Variants in DERA observed in about 807,000 individuals in gnomAD.
The protein encoded by DERA is 2-deoxy-D-ribose 5-phosphate aldolase.
In DERA, 15 loss-of-function variants were observed where a neutral mutation model predicts 41.1. The ratio of observed to expected loss-of-function variants is 0.37; its 90% confidence interval spans 0.24 to 0.56. The LOEUF is 0.56. Ranked by LOEUF, DERA falls within the 20% of genes least tolerant of loss-of-function variation. DERA has a pLI of 0.81. For synonymous variants in DERA, 139 were observed against 137.4 expected (o/e 1.01, Z -0.08); for missense variants, 396 against 403.4 (o/e 0.98, Z 0.16).
rs1436526272 is a variant in DERA, at chr12:16,021,727, T to G, written c.638-10815T>G. ...GTCAAAGGAGATTATTTTGGAGCTT[T>G]AAGACTTAATGACTGCCCTGCTGAG... On this transcript the variant is annotated intron_variant, in intron 6 of 8. Coordinates refer to ENST00000428559, the MANE Select transcript of DERA (RefSeq NM_015954.4). This position sits in a 1 kb window ranked among gnomAD's most constrained non-coding sequence, Gnocchi z 5.3. Among the ~76,000 whole-genome samples, 1 of 152,218 alleles carries G rather than the reference T, an allele frequency of 6.6e-6. No individual in the cohort carries two copies. Among genetic ancestry groups the G allele is most frequent in the African/African-American group, 2.4e-5 (1 of 41,464 alleles).
At position 16,013,358 on chromosome 12, in the gene DERA, G is replaced by A. The variant is rs990513868; in HGVS notation, c.638-19184G>A. Among the ~76,000 whole-genome samples, 2 of 152,130 alleles carry A rather than the reference G, an allele frequency of 1.3e-5. No homozygotes were observed. Among genetic ancestry groups the A allele is most frequent in the African/African-American group, 4.8e-5 (2 of 41,410 alleles). On this transcript the variant is annotated intron_variant, in intron 6 of 8. Transcript: ENST00000428559. This position sits in a 1 kb window ranked among gnomAD's most constrained non-coding sequence, Gnocchi z 5.8. ...AAGGTGAGACCAGGTGGAGGTAATT[G>A]AATCATGAGGGCAGTTTCCCCCATG...
chr12:15,980,978 A>T (rs1170354772), intron 5 of DERA, among the ~76,000 whole-genome samples: 1 of 152,184 alleles, frequency 6.6e-6, no homozygotes, highest in Non-Finnish European at 1.5e-5. Context: ...CTCTCATTTT[A>T]GCTTTAAGAA....
rs192424847 is a variant in DERA at position 15,950,140 on chromosome 12, A to T, written c.32-6796A>T. 1.4e-4 allele frequency among the ~76,000 whole-genome samples: 22 copies of T among 152,308 alleles called. No individual in the cohort carries two copies. The East Asian group carries it at 3.7e-3, about 25-fold the overall frequency. On this transcript the variant is annotated intron_variant, in intron 1 of 8. Coordinates refer to ENST00000428559, the MANE Select transcript of DERA (RefSeq NM_015954.4). ...TTGGATCTTGCACAAGAAAGAATTT[A>T]GGGCGAGTCCAGAGTAAAGTGAAAG...
chr12:15,978,076 T>A (rs931835076), intron 5 of DERA, among the ~76,000 whole-genome samples: 1 of 152,202 alleles, frequency 6.6e-6, no homozygotes, highest in Admixed American at 6.5e-5. Flanking sequence ...GTTTGGCTTA[T>A]TTGTATTGAA....
Position 15,996,156 on chromosome 12 carries a change from CATGTGTGTGTGTGTGT to C in DERA, c.637+13721_637+13736del, listed in dbSNP as rs1239603271. Among the ~76,000 whole-genome samples the C allele has an allele frequency of 9.5e-6, 1 of 105,564 alleles. No individual in the cohort carries two copies. The highest frequency in any genetic ancestry group is 3.8e-5 in the African/African-American group (1 of 26,446). The allele number at this position is 105,564 out of a possible 152,430, so 69.3% of individuals were successfully genotyped here. On this transcript the variant is annotated intron_variant, in intron 6 of 8. Transcript: ENST00000428559. The surrounding 1 kb of genome is among the most constrained non-coding windows in gnomAD (Gnocchi z 4.7). ...TGCAGACACAGACACACACACAGAGCATGTGTGTGTGTGTGTGTGTGTGTGTGTGTGTGTGTAATTT... is the reference window on the plus strand; with the variant it reads ...TGCAGACACAGACACACACACAGAGCGTGTGTGTGTGTGTGTGTGTAATTT...
chr12:15,961,992 C>T (rs1286351389), intron 4 of DERA, among the ~76,000 whole-genome samples: 1 of 152,212 alleles, frequency 6.6e-6, no homozygotes, highest in African/African-American at 2.4e-5. Context: ...GATCCGCTAG[C>T]CTTGACCTCC....
chr12:16,011,523 A>G lies in DERA; in HGVS notation c.638-21019A>G, dbSNP rs1173491151. 1.3e-5 allele frequency among the ~76,000 whole-genome samples: 2 copies of G among 152,174 alleles called. No individual in the cohort carries two copies. The highest frequency in any genetic ancestry group is 4.8e-5 in the African/African-American group (2 of 41,448). On this transcript the variant is annotated intron_variant, in intron 6 of 8. Coordinates refer to ENST00000428559, the MANE Select transcript of DERA (RefSeq NM_015954.4). This position sits in a 1 kb window ranked among gnomAD's most constrained non-coding sequence, Gnocchi z 4.7. ...CAGACGTTCAGATTTGGGATGCTCT[A>G]CTTGTACCTTGCTTGTATTGAGGTT... is the stretch of plus-strand genomic sequence containing the variant.
chr12:15,911,359 C>G lies in DERA; in HGVS notation c.-25C>G. 7.0e-7 allele frequency: 1 copy of G among 1,422,534 alleles called. No homozygotes were observed. The highest frequency in any genetic ancestry group is 1.5e-5 in the South Asian group (1 of 66,998). 88.1% of individuals were successfully genotyped at this position (1,422,534 alleles called of 1,614,324 possible). ...GGCGCAGAGGCGGGCGCCTACCAGC[C>G]GGCAGCTCCGGAGCTGCCCGCGCCA... is the stretch of plus-strand genomic sequence containing the variant. On this transcript the variant is annotated 5_prime_UTR_variant, in exon 1 of 9. Transcript: ENST00000428559. This position sits in a 1 kb window ranked among gnomAD's most constrained non-coding sequence, Gnocchi z 4.5.
intron 1 of DERA, among the ~76,000 whole-genome samples, chr12:15,919,671 T>C (rs977281043): frequency 7.9e-5 from 12 of 152,212 alleles, no homozygotes; most frequent in African/African-American, 2.7e-4. Context: ...TGTTTAATCT[T>C]GGCTCCAGCA....
At position 15,911,524 on chromosome 12, in the gene DERA, T is replaced by G; in HGVS notation, c.31+110T>G. On this transcript the variant is annotated intron_variant, in intron 1 of 8. Coordinates refer to ENST00000428559, the MANE Select transcript of DERA (RefSeq NM_015954.4). The surrounding 1 kb of genome is among the most constrained non-coding windows in gnomAD (Gnocchi z 4.5). The stretch of plus-strand genomic sequence containing the variant: ...CCCTGGCTGTGGGTCCCCGAGGGGT[T>G]TTCGCTGGGGCGGGAAGCAGTGGCG... 8.8e-7 allele frequency: 1 copy of G among 1,133,746 alleles called. No individual in the cohort carries two copies. The highest frequency in any genetic ancestry group is 1.2e-6 in the Non-Finnish European group (1 of 823,786). 70.2% of individuals were successfully genotyped at this position (1,133,746 alleles called of 1,614,324 possible). A position where few individuals can be genotyped will look rare whatever the true frequency, so the allele number is the denominator to read the frequency against.
At chr12:15,961,329 A>G (rs1253374939) in intron 4 of DERA, among the ~76,000 whole-genome samples, 1 of 152,158 alleles carries the variant, frequency 6.6e-6, no homozygotes, top group Non-Finnish European at 1.5e-5. Flanking sequence ...AGACAGATAT[A>G]AAATTAGATT....
In DERA at chr12:16,036,729, G is replaced by A; in HGVS notation, c.940G>A (p.Asp314Asn). ...HVTGRYAAYHDLPMS is the reference protein window; with the variant it reads ...HVTGRYAAYHNLPMS ...GACTGGAAGATATGCAGCTTATCAT[G>A]ATCTTCCAATGTCTTAAATCAGTCA... Residue 314 changes from aspartate (D) to asparagine (N), a missense_variant, in exon 9 of 9, where the codon GAT becomes AAT. Physicochemically the swap from Asp to Asn is conservative, Grantham distance 23. Transcript: ENST00000428559. The surrounding 1 kb of genome is among the most constrained non-coding windows in gnomAD (Gnocchi z 4.9). 6.3e-7 allele frequency: 1 copy of A among 1,599,184 alleles called. No individual in the cohort carries two copies. The highest frequency in any genetic ancestry group is 2.3e-5 in the East Asian group (1 of 44,076).
intron 5 of DERA, among the ~76,000 whole-genome samples, chr12:15,968,724 T>G (rs1948640485): frequency 6.6e-6 from 1 of 152,216 alleles, no homozygotes; most frequent in Admixed American, 6.5e-5. Context: ...GGGAAGAAAT[T>G]AGATAATGTA....
intron 1 of DERA, among the ~76,000 whole-genome samples, chr12:15,950,616 C>A (rs933912851): frequency 1.3e-5 from 2 of 152,202 alleles, no homozygotes; most frequent in Non-Finnish European, 2.9e-5. Context: ...GTTCAAATGC[C>A]TCTGACATTT....
At position 15,981,263 on chromosome 12, in the gene DERA, G is replaced by C. The variant is rs920685221; in HGVS notation, c.509-1045G>C. Reference sequence around the variant, plus strand: ...CTCGGGAGGCTGAGGCAGGAGAATGGCGTGAACCCCAGAGGCGGAGGTTGC... The same window carrying C: ...CTCGGGAGGCTGAGGCAGGAGAATGCCGTGAACCCCAGAGGCGGAGGTTGC... On this transcript the variant is annotated intron_variant, in intron 5 of 8. Transcript: ENST00000428559. This position sits in a 1 kb window ranked among gnomAD's most constrained non-coding sequence, Gnocchi z 6.1. Among the ~76,000 whole-genome samples the C allele has an allele frequency of 1.3e-5, 2 of 152,168 alleles. No homozygotes were observed. The highest frequency in any genetic ancestry group is 6.5e-5 in the Admixed American group (1 of 15,280).
At position 16,035,590 on chromosome 12, in the gene DERA, G is replaced by A. The variant is rs1263191617; in HGVS notation, c.751-642G>A. 6.6e-6 allele frequency among the ~76,000 whole-genome samples: 1 copy of A among 152,150 alleles called. No individual in the cohort carries two copies. The highest frequency in any genetic ancestry group is 1.5e-5 in the Non-Finnish European group (1 of 68,024). On this transcript the variant is annotated intron_variant, in intron 7 of 8. Coordinates refer to ENST00000428559, the MANE Select transcript of DERA (RefSeq NM_015954.4). This position sits in a 1 kb window ranked among gnomAD's most constrained non-coding sequence, Gnocchi z 4.1. The stretch of plus-strand genomic sequence containing the variant: ...TCAACCTTAAAGACTACTGGACTAT[G>A]AGGAGCCCCTCACGGTGTTTTTCTA...
rs1488050669 is a variant in DERA, at chr12:16,027,354, G to A, written c.638-5188G>A. Among the ~76,000 whole-genome samples, 4 of 152,322 alleles carry A rather than the reference G, an allele frequency of 2.6e-5. No homozygotes were observed. The East Asian group carries it at 7.7e-4, about 29-fold the overall frequency. On this transcript the variant is annotated intron_variant, in intron 6 of 8. Coordinates refer to ENST00000428559, the MANE Select transcript of DERA (RefSeq NM_015954.4). ...GTTTGGTAGGCTAAAGATGACTCCT[G>A]AAGATAGGTTCACATCCTAATCCCT...
intron 5 of DERA, among the ~76,000 whole-genome samples, chr12:15,977,837 A>T (rs1948708710): frequency 3.9e-5 from 6 of 152,226 alleles, no homozygotes; most frequent in Admixed American, 3.3e-4. Flanking sequence ...CGTGTGGAGA[A>T]CACTGAGCAT....
chr12:15,981,206 G>A lies in DERA; in HGVS notation c.509-1102G>A, dbSNP rs567299268. 5.9e-5 allele frequency among the ~76,000 whole-genome samples: 9 copies of A among 152,230 alleles called. No homozygotes were observed. The highest frequency in any genetic ancestry group is 8.8e-5 in the Non-Finnish European group (6 of 68,008). The stretch of plus-strand genomic sequence containing the variant: ...TACTAAAACTACAAAAAGTTACCCA[G>A]GCGTGGTGGCAGGCGCCTGTAGTCC... On this transcript the variant is annotated intron_variant, in intron 5 of 8. Transcript: ENST00000428559. This position sits in a 1 kb window ranked among gnomAD's most constrained non-coding sequence, Gnocchi z 6.1.
Sources: allele counts gnomAD v4.1 joint callset (sites outside exome capture counted in the v4.1 genomes callset), GRCh38; gene constraint gnomAD v4.1.1; non-coding constraint Gnocchi (gnomAD v3.1); transcripts MANE v1.5; gene names NCBI Gene and HGNC (gene_info 2026-07-23, HGNC 2026-07-21).